The following MBOAT1 variants were observed in gnomAD, a reference collection of about 807,000 sequenced individuals.
The protein encoded by MBOAT1 is membrane bound glycerophospholipid O-acyltransferase 1, also known as membrane-bound glycerophospholipid O-acyltransferase 1.
MBOAT1 carries 67 observed loss-of-function variants against 64.4 expected under a neutral mutation model. The observed-to-expected ratio is 1.04, with a 90% confidence interval of 0.85 to 1.27. The LOEUF (loss-of-function observed/expected upper bound fraction) is 1.27. MBOAT1 is among the 50% of genes most tolerant of loss of function. The pLI is 0.00. For missense variants in MBOAT1, 563 were observed against 604.6 expected (o/e 0.93, Z 0.72); for synonymous variants, 229 against 218.9 (o/e 1.05, Z -0.41).
chr6:20,111,244 T>C (rs1268019006), intron 11 of MBOAT1, among the ~76,000 whole-genome samples: 1 of 152,110 alleles, frequency 6.6e-6, no homozygotes, highest in Admixed American at 6.5e-5. Flanking sequence ...CTGAAAGCAA[T>C]GGCTAGGGGA....
chr6:20,134,586 T>C (rs927445560), intron 4 of MBOAT1, among the ~76,000 whole-genome samples: 1 of 152,190 alleles, frequency 6.6e-6, no homozygotes, highest in Non-Finnish European at 1.5e-5. Context: ...ATAAAAATGC[T>C]GATCTAAAAG....
chr6:20,160,109 T>G (rs1035380154), intron 1 of MBOAT1, among the ~76,000 whole-genome samples: 5 of 152,192 alleles, frequency 3.3e-5, no homozygotes, highest in Admixed American at 2.0e-4. Context: ...CGCAAAGAAA[T>G]AAAACACATG....
chr6:20,131,267 A>G (rs937550506), intron 4 of MBOAT1, 68 bp from the exon 5 acceptor site: 2 of 1,383,494 alleles, frequency 1.4e-6, no homozygotes, highest in African/African-American at 1.4e-5. Context: ...CTGTGCCCCC[A>G]CCCAAATCTC....
chr6:20,206,815 C>T (rs1763279627), intron 1 of MBOAT1, among the ~76,000 whole-genome samples: 1 of 152,152 alleles, frequency 6.6e-6, no homozygotes, highest in South Asian at 2.1e-4. Flanking sequence ...CTTTCACCCC[C>T]ACCCTCAGGC....
rs139038915 is a variant in MBOAT1, at chr6:20,210,884, T to C, written c.99+1252A>G. ...CAAACTCCCCTTAAGGAAATTCAGCTATGAGTTTTATTTAATTTCAGAACT... is the reference window on the plus strand; with the variant it reads ...CAAACTCCCCTTAAGGAAATTCAGCCATGAGTTTTATTTAATTTCAGAACT... On this transcript the variant is annotated intron_variant, in intron 1 of 12. Coordinates refer to ENST00000324607, the MANE Select transcript of MBOAT1 (RefSeq NM_001080480.3). 1.1e-4 allele frequency among the ~76,000 whole-genome samples: 17 copies of C among 152,224 alleles called. No homozygotes were observed. The Middle Eastern group carries it at 0.014, about 122-fold the overall frequency.
At chr6:20,160,964 G>C (rs1301387361) in intron 1 of MBOAT1, among the ~76,000 whole-genome samples, 1 of 152,072 alleles carries the variant, frequency 6.6e-6, no homozygotes, top group Non-Finnish European at 1.5e-5. Flanking sequence ...TTGCCCAAAA[G>C]ACCTCTAATT....
At chr6:20,157,036 A>C (rs1761710425) in intron 1 of MBOAT1, among the ~76,000 whole-genome samples, 1 of 152,106 alleles carries the variant, frequency 6.6e-6, no homozygotes, top group African/African-American at 2.4e-5. Context: ...CAATCCCAGC[A>C]CTCCGGGAGG....
intron 4 of MBOAT1, among the ~76,000 whole-genome samples, chr6:20,143,768 A>G (rs903688071): frequency 5.3e-5 from 8 of 152,216 alleles, no homozygotes; most frequent in Non-Finnish European, 1.0e-4. Flanking sequence ...AAAGTTTAAA[A>G]AAAGAGAGAT....
chr6:20,144,003 G>A (rs1185608634), intron 4 of MBOAT1, among the ~76,000 whole-genome samples: 1 of 152,172 alleles, frequency 6.6e-6, no homozygotes, highest in Non-Finnish European at 1.5e-5. Flanking sequence ...CAGATATGGC[G>A]CACAGGCTGT....
At chr6:20,168,497 G>C (rs11970385) in intron 1 of MBOAT1, among the ~76,000 whole-genome samples, 16,631 of 124,304 alleles carry the variant, frequency 0.13, 1,262 homozygotes, top group Non-Finnish European at 0.14. Flanking sequence ...GAGACAGAGA[G>C]AGAGAGAGAG....
chr6:20,140,665 A>G (rs1199102002), intron 4 of MBOAT1, among the ~76,000 whole-genome samples: 1 of 152,188 alleles, frequency 6.6e-6, no homozygotes, highest in Non-Finnish European at 1.5e-5. Context: ...TCAGGCCTTC[A>G]GCCTCAGACT....
chr6:20,167,869 ATAT>A (rs1391956938), intron 1 of MBOAT1, among the ~76,000 whole-genome samples: 3 of 152,208 alleles, frequency 2.0e-5, no homozygotes, highest in Non-Finnish European at 4.4e-5. Context: ...TGCATGCTAG[ATAT>A]TATTAGTATC....
chr6:20,151,407 A>G, intron 2 of MBOAT1, 145 bp from the exon 3 acceptor site: 1 of 574,740 alleles, frequency 1.7e-6, no homozygotes, highest in African/African-American at 1.9e-5. Context: ...TGTGAGAGAA[A>G]ATAAGCCAAA....
intron 8 of MBOAT1, among the ~76,000 whole-genome samples, chr6:20,121,421 T>C (rs1421018099): frequency 6.6e-6 from 1 of 152,192 alleles, no homozygotes; most frequent in African/African-American, 2.4e-5. Context: ...CAAGTGTTTC[T>C]ACTGAAGCTA....
intron 1 of MBOAT1, among the ~76,000 whole-genome samples, chr6:20,175,444 T>TATTC (rs1469839682): frequency 1.3e-5 from 2 of 151,580 alleles, no homozygotes; most frequent in Admixed American, 1.3e-4. Flanking sequence ...TTGTTTTATT[T>TATTC]ATTTATTTAT....
In MBOAT1 at chr6:20,144,200, C is replaced by T. The variant is rs551684394; in HGVS notation, c.419+20G>A. 8.4e-6 allele frequency: 13 copies of T among 1,540,082 alleles called. No individual in the cohort carries two copies. In the African/African-American group the frequency reaches 1.8e-4, roughly 21 times the overall value. On this transcript the variant is annotated intron_variant, in intron 4 of 12. Transcript: ENST00000324607. ...TCAAAGTCAGCAGTAAAACCCCTCT[C>T]TCTAATGTAAGATACTTACCCAGAA...
intron 1 of MBOAT1, among the ~76,000 whole-genome samples, chr6:20,191,741 T>C (rs1762807858): frequency 6.6e-6 from 1 of 152,206 alleles, no homozygotes; most frequent in Non-Finnish European, 1.5e-5. Flanking sequence ...CTCGATATAA[T>C]AATATAGGAA....
intron 4 of MBOAT1, among the ~76,000 whole-genome samples, chr6:20,135,956 G>A (rs745672675): frequency 2.6e-5 from 4 of 152,114 alleles, no homozygotes; most frequent in Admixed American, 2.0e-4. Flanking sequence ...CCTGCAGCTC[G>A]GACCTGGTAG....
At chr6:20,112,434 C>G (rs1420218673) in intron 11 of MBOAT1, among the ~76,000 whole-genome samples, 1 of 152,150 alleles carries the variant, frequency 6.6e-6, no homozygotes, top group Non-Finnish European at 1.5e-5. Flanking sequence ...GCCGCTATTT[C>G]ATTGACTGCT....
Sources: allele counts gnomAD v4.1 joint callset (sites outside exome capture counted in the v4.1 genomes callset), GRCh38; gene constraint gnomAD v4.1.1; transcripts MANE v1.5; gene names NCBI Gene and HGNC (gene_info 2026-07-23, HGNC 2026-07-21).